The following REV3L variants were observed in gnomAD, a reference collection of about 807,000 sequenced individuals.
REV3L encodes DNA polymerase zeta catalytic subunit.
A neutral mutation model predicts 299.4 loss-of-function variants in REV3L; 69 were observed. That is an observed-to-expected ratio of 0.23 (90% confidence interval 0.19 to 0.28). The LOEUF is 0.28. Among genes scored for constraint, REV3L ranks in the 10% least tolerant of loss-of-function variants. The pLI is 1.00. For synonymous variants in REV3L, 1,238 were observed against 1,271.4 expected (o/e 0.97, Z 0.56); for missense variants, 3,128 against 3,693.8 (o/e 0.85, Z 3.97).
At chr6:111,366,539 A>G in intron 14 of REV3L, among the ~76,000 whole-genome samples, 1 of 152,158 alleles carries the variant, frequency 6.6e-6, no homozygotes, top group Admixed American at 6.6e-5. Flanking sequence ...CCAAGAAGGA[A>G]GGTAAGGTCA....
At chr6:111,382,818 C>G (rs551817534) in intron 9 of REV3L, among the ~76,000 whole-genome samples, 12 of 152,058 alleles carry the variant, frequency 7.9e-5, no homozygotes, top group Non-Finnish European at 1.8e-4. Context: ...TCCCAGGCAG[C>G]ACAACTCGCA....
rs199646165 is a variant in REV3L, at chr6:111,313,365, G to C, written c.8591C>G (p.Pro2864Arg). 6.2e-7 allele frequency: 1 copy of C among 1,610,142 alleles called. No individual in the cohort carries two copies. ...GIETVRRDSC[P>R]AVSKILERSL... is the part of the protein sequence containing the mutation. ...GATAAACCTTACCTTAGAAACAGCA[G>C]GGCAGGAATCTCTTCTGACTGTTTC... is the stretch of plus-strand genomic sequence containing the variant. Residue 2864 changes from proline to arginine, a missense_variant, in exon 28 of 32, where the codon CCT (proline) becomes CGT (arginine). Coordinates refer to ENST00000368802, the MANE Select transcript of REV3L (RefSeq NM_001372078.1).
At chr6:111,356,903 AGGAAG>A (rs1428096576) in intron 18 of REV3L, 106 bp downstream of exon 18, 7 of 486,718 alleles carry the variant, frequency 1.4e-5, no homozygotes, top group Middle Eastern at 5.5e-4. Context: ...CAAGGGTCAT[AGGAAG>A]GGATTCGCTT....
intron 1 of REV3L, among the ~76,000 whole-genome samples, chr6:111,478,051 C>T (rs1408536622): frequency 6.6e-6 from 1 of 152,178 alleles, no homozygotes; most frequent in Non-Finnish European, 1.5e-5. Flanking sequence ...ATATACATTG[C>T]CAAACTGCCC....
At chr6:111,366,546 G>A (rs1779230615) in intron 14 of REV3L, among the ~76,000 whole-genome samples, 1 of 152,054 alleles carries the variant, frequency 6.6e-6, no homozygotes, top group Non-Finnish European at 1.5e-5. Context: ...GGAAGGTAAG[G>A]TCAACAAGAA....
At chr6:111,422,605 T>TCTCCCCCCACTAA (rs1562286878) in intron 1 of REV3L, among the ~76,000 whole-genome samples, 1 of 19,810 alleles carries the variant, frequency 5.0e-5, no homozygotes, top group African/African-American at 1.8e-4. Flanking sequence ...CACATATATA[T>TCTCCCCCCACTAA]ATATATACAC....
chr6:111,308,373 G>C, intron 30 of REV3L: 1 of 387,774 alleles, frequency 2.6e-6, no homozygotes, highest in Non-Finnish European at 5.2e-6. Context: ...TATGTGCTCA[G>C]AACACTTAGT....
At position 111,372,965 on chromosome 6, in the gene REV3L, T is replaced by C. The variant is rs775956187; in HGVS notation, c.5390A>G (p.Asp1797Gly). Residue 1797 changes from aspartate to glycine, a missense_variant, in exon 13 of 32, where the codon GAC (aspartate) becomes GGC (glycine). This residue lies in a region of REV3L where 2,409 missense variants were observed against 2,611.8 expected (regional missense o/e 0.92). Transcript: ENST00000368802. ...FLSLPQPNNS[D>G]WIQGHTRKEM... ...TTTTCTGGTGTGACCTTGAATCCAG[T>C]CTGAATTGTTTGGCTGTGGGAGGCT... 2 of 1,614,154 alleles carry C rather than the reference T, an allele frequency of 1.2e-6. No homozygotes were observed. Among genetic ancestry groups the C allele is most frequent in the South Asian group, 1.1e-5 (1 of 91,082 alleles).
Position 111,365,134 on chromosome 6 carries a change from A to G in REV3L, c.6753+131T>C, listed in dbSNP as rs547679372. On this transcript the variant is annotated intron_variant, in intron 15 of 31. Transcript: ENST00000368802. ...GGCAAATTTTTGTTGTCTCAAAGAT[A>G]TGCAAATAATGATGCAAAAATTTAA... 5.3e-6 allele frequency: 3 copies of G among 566,730 alleles called. No individual in the cohort carries two copies. In the South Asian group the frequency reaches 7.1e-5, roughly 13 times the overall value. 35.1% of individuals were successfully genotyped at this position (566,730 alleles called of 1,614,324 possible). A position where few individuals can be genotyped will look rare whatever the true frequency, so the allele number is the denominator to read the frequency against.
intron 4 of REV3L, among the ~76,000 whole-genome samples, chr6:111,393,490 T>C (rs550230144): frequency 2.6e-5 from 4 of 152,272 alleles, no homozygotes; most frequent in African/African-American, 9.6e-5. Context: ...TTATTCACCA[T>C]TTGTGTCGAG....
In REV3L at chr6:111,482,936, G is replaced by C; in HGVS notation, c.-48C>G. 6.8e-7 allele frequency: 1 copy of C among 1,476,908 alleles called. No individual in the cohort carries two copies. The highest frequency in any genetic ancestry group is 3.2e-5 in the Admixed American group (1 of 31,026). The allele number at this position is 1,476,908 out of a possible 1,614,324, so 91.5% of individuals were successfully genotyped here. ...TCCCTTCACTGGCGACCCGGCAGCG[G>C]CAGCAGCAGCGGCGGCGGCTCCCTC... On this transcript the variant is annotated 5_prime_UTR_variant, in exon 1 of 32. Transcript: ENST00000368802.
At chr6:111,468,498 C>A (rs751281943) in intron 1 of REV3L, among the ~76,000 whole-genome samples, 6 of 151,952 alleles carry the variant, frequency 3.9e-5, no homozygotes, top group Non-Finnish European at 7.4e-5. Flanking sequence ...AAGGAAATAC[C>A]ATAAGGGCCT....
intron 1 of REV3L, chr6:111,430,245 C>T: frequency 1.1e-6 from 1 of 897,574 alleles, no homozygotes. Flanking sequence ...CTTCAAGAAG[C>T]TTTGAATCAA....
chr6:111,450,785 CG>C (rs1214501801), intron 1 of REV3L, among the ~76,000 whole-genome samples: 4 of 152,278 alleles, frequency 2.6e-5, no homozygotes, highest in African/African-American at 9.6e-5. Flanking sequence ...ATCACTCTAA[CG>C]TCTGGGTTTC....
rs1178173383 is a variant in REV3L, at chr6:111,397,818, G to A, written c.566-4846C>T. On this transcript the variant is annotated intron_variant, in intron 4 of 31. Coordinates refer to ENST00000368802, the MANE Select transcript of REV3L (RefSeq NM_001372078.1). ...CACCTGGCTGATTTTTATCTTTTTT[G>A]TAAAGATGAGATCTCACTATGTTAC... 2.0e-5 allele frequency among the ~76,000 whole-genome samples: 3 copies of A among 151,840 alleles called. No homozygotes were observed. The East Asian group carries it at 5.9e-4, about 30-fold the overall frequency.
At chr6:111,356,910 G>A (rs1173783015) in intron 18 of REV3L, 104 bp downstream of exon 18, 1 of 511,930 alleles carries the variant, frequency 2.0e-6, no homozygotes, top group Non-Finnish European at 3.5e-6. Flanking sequence ...CATAGGAAGG[G>A]ATTCGCTTTC....
rs1336670226 is a variant in REV3L, at chr6:111,482,834, C to T, written c.55G>A (p.Gly19Arg). 1.3e-6 allele frequency: 2 copies of T among 1,507,466 alleles called. No homozygotes were observed. The highest frequency in any genetic ancestry group is 2.7e-5 in the East Asian group (1 of 36,814). 93.4% of individuals were successfully genotyped at this position (1,507,466 alleles called of 1,614,324 possible). Residue 19 changes from glycine (G) to arginine (R), a missense_variant, in exon 1 of 32, where the codon GGG becomes AGG. This residue lies in a region of REV3L where 48 missense variants were observed against 42.8 expected (regional missense o/e 1.12). Coordinates refer to ENST00000368802, the MANE Select transcript of REV3L (RefSeq NM_001372078.1). ...AGGGGGGATTGGCAGGTATCCAGCCCCTGCAGCGGGCTGGCCATGTAGTAG... is the reference window on the plus strand; with the variant it reads ...AGGGGGGATTGGCAGGTATCCAGCCTCTGCAGCGGGCTGGCCATGTAGTAG... Reference protein sequence around the residue: ...ADYYMASPLQGLDTCQSPLTQ... With the variant: ...ADYYMASPLQRLDTCQSPLTQ...
intron 21 of REV3L, among the ~76,000 whole-genome samples, chr6:111,336,738 A>G (rs1775927578): frequency 6.6e-6 from 1 of 152,212 alleles, no homozygotes; most frequent in Non-Finnish European, 1.5e-5. Context: ...TGTTCATTAC[A>G]GTATTAATCA....
rs1776115188 is a variant in REV3L at position 111,338,311 on chromosome 6, C to CTTTT, written c.7539-2702_7539-2701insAAAA. 3.1e-4 allele frequency among the ~76,000 whole-genome samples: 15 copies of CTTTT among 49,056 alleles called. 1 individual carries two copies. Among genetic ancestry groups the CTTTT allele is most frequent in the South Asian group, 5.7e-4 (1 of 1,762 alleles). The allele number at this position is 49,056 out of a possible 152,430, so 32.2% of individuals were successfully genotyped here. On this transcript the variant is annotated intron_variant, in intron 21 of 31. Transcript: ENST00000368802. ...TTCTTTGTTTACTCCAGTCTAAAGT[C>CTTTT]CTTTTTTTTTTTTTTTTTTTTTTTT... is the stretch of plus-strand genomic sequence containing the variant.
Sources: gnomAD v4.1 joint callset for allele counts (sites outside exome capture counted in the v4.1 genomes callset) on GRCh38, gnomAD v4.1.1 for gene constraint, gnomAD v4.1.1 regional missense constraint, MANE v1.5 for transcripts, NCBI Gene and HGNC (gene_info 2026-07-23, HGNC 2026-07-21) for gene names.